TBC1D2B: variants seen among roughly 807,000 people sequenced by gnomAD.
TBC1D2B encodes the protein TBC1 domain family member 2B.
In TBC1D2B, 64 loss-of-function variants were observed where a neutral mutation model predicts 100.8. The ratio of observed to expected loss-of-function variants is 0.64; its 90% CI spans 0.52 to 0.78. The LOEUF is 0.78. Among genes scored for constraint, TBC1D2B ranks in the 30% least tolerant of loss-of-function variants. The pLI, the probability that TBC1D2B is intolerant of heterozygous loss-of-function variation, is 0.00. For synonymous variants in TBC1D2B, 480 were observed against 479.7 expected (o/e 1.00, Z -0.01); for missense variants, 1,052 against 1,218.4 (o/e 0.86, Z 2.03).
intron 6 of TBC1D2B, among the ~76,000 whole-genome samples, chr15:78,022,051 C>T (rs2072530322): frequency 6.6e-6 from 1 of 152,212 alleles, no homozygotes; most frequent in Admixed American, 6.5e-5. Context: ...GAAATAGACA[C>T]ACTTGCAAAA....
intron 6 of TBC1D2B, among the ~76,000 whole-genome samples, chr15:78,018,696 C>T (rs2072439095): frequency 6.6e-6 from 1 of 152,136 alleles, no homozygotes; most frequent in Admixed American, 6.5e-5. Flanking sequence ...TTGGCTTCAG[C>T]CCTTGAAACT....
chr15:78,059,701 G>A (rs1340385190), intron 1 of TBC1D2B, among the ~76,000 whole-genome samples: 1 of 152,138 alleles, frequency 6.6e-6, no homozygotes, highest in African/African-American at 2.4e-5. Context: ...TCAAAACCCA[G>A]AAGCCCACTC....
At chr15:78,021,643 T>C (rs931785973) in intron 6 of TBC1D2B, among the ~76,000 whole-genome samples, 1 of 152,232 alleles carries the variant, frequency 6.6e-6, no homozygotes, top group East Asian at 1.9e-4. Context: ...TCACCTGGAA[T>C]CCACCTAACA....
intron 1 of TBC1D2B, among the ~76,000 whole-genome samples, chr15:78,076,057 G>A (rs1436421140): frequency 6.6e-6 from 1 of 152,132 alleles, no homozygotes; most frequent in East Asian, 1.9e-4. Context: ...AAACCAGGCA[G>A]GGAGCAAAGC....
At chr15:78,076,281 C>A (rs2073827782) in intron 1 of TBC1D2B, among the ~76,000 whole-genome samples, 1 of 152,154 alleles carries the variant, frequency 6.6e-6, no homozygotes, top group Non-Finnish European at 1.5e-5. Flanking sequence ...CTCAAAGGAG[C>A]AAGGCATAAC....
chr15:78,020,636 A>G (rs2072493689), intron 6 of TBC1D2B, among the ~76,000 whole-genome samples: 1 of 152,152 alleles, frequency 6.6e-6, no homozygotes, highest in Non-Finnish European at 1.5e-5. Context: ...TTTGAATCCA[A>G]CCTGGGCTGG....
chr15:78,006,772 C>T (rs1370265587), intron 10 of TBC1D2B, among the ~76,000 whole-genome samples: 3 of 152,196 alleles, frequency 2.0e-5, no homozygotes, highest in East Asian at 1.9e-4. Flanking sequence ...GCTGCTGGCA[C>T]GGGGCCAGGG....
At chr15:78,012,468 A>G (rs1300265566) in intron 9 of TBC1D2B, among the ~76,000 whole-genome samples, 2 of 152,252 alleles carry the variant, frequency 1.3e-5, no homozygotes, top group Admixed American at 6.5e-5. Context: ...GATCCTGTAT[A>G]CTGCATAAAC....
intron 3 of TBC1D2B, among the ~76,000 whole-genome samples, chr15:78,038,677 G>A (rs2141747598): frequency 6.6e-6 from 1 of 152,312 alleles, no homozygotes. Flanking sequence ...CCCTTCCTCA[G>A]CCCCCAACTC....
chr15:78,024,562 A>G, intron 5 of TBC1D2B, 23 bp from the exon 6 acceptor site: 1 of 1,588,144 alleles, frequency 6.3e-7, no homozygotes, highest in Non-Finnish European at 8.6e-7. Flanking sequence ...AGGAGAATGG[A>G]GTGAAGGGTG....
Position 77,998,264 on chromosome 15 carries a change from G to A in TBC1D2B, c.2788C>T (p.Leu930=). ...RRAYHLEKVR[L]ELTELEAIRE... ...ATGGCCTCCAGCTCGGTCAGCTCCA[G>A]CCGGACTTTCTCCAAGTGGTAGGCG... The change falls in exon 13 of 13, where the codon CTG becomes TTG. Residue 930 remains leucine, a synonymous_variant. Coordinates refer to ENST00000300584, the MANE Select transcript of TBC1D2B (RefSeq NM_144572.2). 6.2e-7 allele frequency: 1 copy of A among 1,601,816 alleles called. No individual in the cohort carries two copies. The highest frequency in any genetic ancestry group is 8.5e-7 in the Non-Finnish European group (1 of 1,174,834).
At chr15:78,052,966 T>A (rs1185908584) in intron 2 of TBC1D2B, among the ~76,000 whole-genome samples, 1 of 152,170 alleles carries the variant, frequency 6.6e-6, no homozygotes, top group Non-Finnish European at 1.5e-5. Flanking sequence ...TGAAAGTGAC[T>A]CAAAAACTCT....
At chr15:78,065,481 G>A (rs2073637027) in intron 1 of TBC1D2B, among the ~76,000 whole-genome samples, 2 of 152,170 alleles carry the variant, frequency 1.3e-5, no homozygotes, top group African/African-American at 4.8e-5. Context: ...GTCCCTACAG[G>A]AAATGTAGAA....
chr15:77,999,591 C>T (rs1052668596), intron 12 of TBC1D2B, among the ~76,000 whole-genome samples: 9 of 152,304 alleles, frequency 5.9e-5, no homozygotes, highest in African/African-American at 1.2e-4. Flanking sequence ...CCCCAGCAGG[C>T]GGGAGGAGGC....
At chr15:78,043,410 T>A (rs1282842991) in intron 3 of TBC1D2B, among the ~76,000 whole-genome samples, 1 of 151,910 alleles carries the variant, frequency 6.6e-6, no homozygotes, top group East Asian at 1.9e-4. Flanking sequence ...TCATTTTTTC[T>A]TTTTTTTGAG....
At position 77,995,577 on chromosome 15, in the gene TBC1D2B, T is replaced by A. The variant is rs1017362914; in HGVS notation, c.*2583A>T. ...TGTTATATAAAATAGATATGTGGAA[T>A]CTAGAAACACCTTGAGAAAATAGCC... On this transcript the variant is annotated 3_prime_UTR_variant, in exon 13 of 13. Coordinates refer to ENST00000300584, the MANE Select transcript of TBC1D2B (RefSeq NM_144572.2). 7.2e-5 allele frequency: 11 copies of A among 152,330 alleles called. No individual in the cohort carries two copies. Among genetic ancestry groups the A allele is most frequent in the Non-Finnish European group, 1.3e-4 (9 of 68,006 alleles). The allele number at this position is 152,330 out of a possible 1,614,324, so 9.4% of individuals were successfully genotyped here.
At chr15:78,066,271 AC>A (rs1420278127) in intron 1 of TBC1D2B, 1 of 325,360 alleles carries the variant, frequency 3.1e-6, no homozygotes, top group East Asian at 7.5e-5. Context: ...GCAGCTATAA[AC>A]CACAGAGAGT....
rs1225713046 is a variant in TBC1D2B, at chr15:78,031,554, CAAAAAA to C, written c.684-1390_684-1385del. Among the ~76,000 whole-genome samples, 7 of 54,902 alleles carry C rather than the reference CAAAAAA, an allele frequency of 1.3e-4. 1 individual carries two copies. Among genetic ancestry groups the C allele is most frequent in the Admixed American group, 3.0e-4 (1 of 3,306 alleles). 36.0% of individuals were successfully genotyped at this position (54,902 alleles called of 152,430 possible). On this transcript the variant is annotated intron_variant, in intron 3 of 12. Transcript: ENST00000300584. ...GGGCGATAGAGCAAGACTCTGTCTC[CAAAAAA>C]AAAAAAAAAAAAAAAGAGAGAGAGA...
At chr15:78,024,124 G>A in intron 6 of TBC1D2B, 32 bp downstream of exon 6, 2 of 1,576,210 alleles carry the variant, frequency 1.3e-6, no homozygotes, top group South Asian at 2.3e-5. Context: ...GGTCTCTCAT[G>A]CCAATCACCA....
Sources: gnomAD v4.1 joint callset for allele counts (sites outside exome capture counted in the v4.1 genomes callset) on GRCh38, gnomAD v4.1.1 for gene constraint, MANE v1.5 for transcripts, NCBI Gene and HGNC (gene_info 2026-07-23, HGNC 2026-07-21) for gene names.